Variants in RBFOX1 observed in about 807,000 individuals in gnomAD.
The protein encoded by RBFOX1 is RNA binding fox-1 homolog 1.
A neutral mutation model predicts 57.7 loss-of-function variants in RBFOX1; 8 were observed. The ratio of observed to expected loss-of-function variants is 0.14; its 90% CI spans 0.08 to 0.25. RBFOX1 has a LOEUF of 0.25. Ranked by LOEUF, RBFOX1 falls within the 10% of genes least tolerant of loss-of-function variation. RBFOX1 has a pLI of 1.00. For synonymous variants in RBFOX1, 326 were observed against 222.4 expected, an observed-to-expected ratio of 1.47 and a Z score of -4.15; for missense variants, 611 against 548.5, an observed-to-expected ratio of 1.11 and a Z score of -1.14.
In RBFOX1 at chr16:7,422,158, G is replaced by A. The variant is rs189209144; in HGVS notation, c.28-95989G>A. Among the ~76,000 whole-genome samples the A allele has an allele frequency of 1.3e-4, 20 of 152,214 alleles. No individual in the cohort carries two copies. The East Asian group carries it at 3.5e-3, about 27-fold the overall frequency. ...TATTTCTGTGTGTATGTTTGTGTAC[G>A]TGTGCGTGTGTGTGCGTGTGCTTGT... is the stretch of plus-strand genomic sequence containing the variant. On this transcript the variant is annotated intron_variant, in intron 4 of 15. Coordinates refer to ENST00000550418, the MANE Select transcript of RBFOX1 (RefSeq NM_018723.4).
intron 3 of RBFOX1, among the ~76,000 whole-genome samples, chr16:5,800,743 CAGAT>C (rs1207433141): frequency 6.6e-6 from 1 of 152,138 alleles, no homozygotes; most frequent in Non-Finnish European, 1.5e-5. Context: ...AGTTGCTTCT[CAGAT>C]AGCTAACAGG....
At chr16:7,041,208 A>G (rs1248769572) in intron 3 of RBFOX1, among the ~76,000 whole-genome samples, 1 of 149,480 alleles carries the variant, frequency 6.7e-6, no homozygotes, top group Admixed American at 6.8e-5. Flanking sequence ...TGCTGGGATT[A>G]CAGGTGTGAG....
At chr16:5,489,975 G>A (rs1379807236) in intron 2 of RBFOX1, among the ~76,000 whole-genome samples, 1 of 152,184 alleles carries the variant, frequency 6.6e-6, no homozygotes, top group African/African-American at 2.4e-5. Flanking sequence ...CCCAGGCCTG[G>A]CCTGTTATTT....
intron 2 of RBFOX1, among the ~76,000 whole-genome samples, chr16:6,519,353 G>C (rs75754465): frequency 6.6e-6 from 1 of 152,132 alleles, no homozygotes; most frequent in Admixed American, 6.5e-5. Flanking sequence ...AAGAAATACT[G>C]TACATGGGGA....
intron 1 of RBFOX1, among the ~76,000 whole-genome samples, chr16:6,264,962 C>G (rs1233049674): frequency 2.0e-5 from 3 of 152,190 alleles, no homozygotes; most frequent in Non-Finnish European, 4.4e-5. Context: ...GGAACCGACT[C>G]TGATAAGAGC....
chr16:5,375,935 G>A (rs1270730414), intron 1 of RBFOX1, among the ~76,000 whole-genome samples: 16 of 152,206 alleles, frequency 1.1e-4, no homozygotes, highest in Non-Finnish European at 2.4e-4. Flanking sequence ...GGGAGGCTGA[G>A]GTGGCTGGAT....
chr16:6,848,180 CTCCTTGTGGGGTG>C (rs1567541056), intron 3 of RBFOX1, among the ~76,000 whole-genome samples: 6 of 151,880 alleles, frequency 4.0e-5, no homozygotes, highest in Non-Finnish European at 8.8e-5. Context: ...TGATCACAGC[CTCCTTGTGGGGTG>C]ATACAGCAAG....
At chr16:6,234,531 A>G (rs1165412796) in intron 1 of RBFOX1, among the ~76,000 whole-genome samples, 1 of 152,150 alleles carries the variant, frequency 6.6e-6, no homozygotes, top group Non-Finnish European at 1.5e-5. Context: ...AGAAGTCTGA[A>G]TGAAGGCTTC....
At chr16:5,298,472 C>T (rs1596446116) in intron 1 of RBFOX1, among the ~76,000 whole-genome samples, 1 of 68,366 alleles carries the variant, frequency 1.5e-5, no homozygotes, top group Non-Finnish European at 2.7e-5. Context: ...CTCCCTTCCC[C>T]TTCCCCTCCC....
At chr16:7,519,984 C>T (rs1359966401) in intron 5 of RBFOX1, among the ~76,000 whole-genome samples, 1 of 152,172 alleles carries the variant, frequency 6.6e-6, no homozygotes, top group East Asian at 1.9e-4. Context: ...CTCCCAGGTT[C>T]ACGCCATTCT....
chr16:6,468,794 CTTTTA>C (rs368842127), intron 2 of RBFOX1, among the ~76,000 whole-genome samples: 15 of 151,836 alleles, frequency 9.9e-5, no homozygotes, highest in Middle Eastern at 3.4e-3. Flanking sequence ...ATTTTTTAGT[CTTTTA>C]TTTTAAGTTC....
At chr16:5,240,052 C>T (rs767461150) in exon 1 of RBFOX1, 16 of 1,532,014 alleles carry the variant, frequency 1.0e-5, no homozygotes, top group Admixed American at 2.0e-5. Context: ...GAAGGACGCG[C>T]CGCGGCCGGG....
intron 4 of RBFOX1, among the ~76,000 whole-genome samples, chr16:7,331,457 A>G (rs2096693902): frequency 6.6e-6 from 1 of 152,190 alleles, no homozygotes; most frequent in African/African-American, 2.4e-5. Context: ...ACACACCCAC[A>G]TGTCTTTCTA....
rs145781378 is a variant in RBFOX1, at chr16:6,568,207, G to C, written c.-63-86396G>C. ...CATCTCATAGAGTTTCTGAGGTCCA[G>C]GAATCTGGGAGTGGCTCTAGCTCTA... On this transcript the variant is annotated intron_variant, in intron 2 of 15. Transcript: ENST00000550418. 4.6e-3 allele frequency among the ~76,000 whole-genome samples: 707 copies of C among 152,310 alleles called. 8 individuals carry two copies. The highest frequency in any genetic ancestry group is 0.03 in the South Asian group (147 of 4,828).
At chr16:6,927,207 C>T (rs556733887) in intron 3 of RBFOX1, among the ~76,000 whole-genome samples, 6 of 151,766 alleles carry the variant, frequency 4.0e-5, no homozygotes, top group South Asian at 2.1e-4. Flanking sequence ...CATTTTTTAA[C>T]GAAACCCTAG....
intron 1 of RBFOX1, among the ~76,000 whole-genome samples, chr16:5,285,121 C>T (rs1281271542): frequency 3.3e-5 from 5 of 152,134 alleles, no homozygotes; most frequent in Non-Finnish European, 4.4e-5. Context: ...CATATGTGTC[C>T]CATATGTCAT....
At chr16:5,871,953 G>T (rs1267792330) in intron 4 of RBFOX1, among the ~76,000 whole-genome samples, 2 of 152,178 alleles carry the variant, frequency 1.3e-5, no homozygotes, top group Admixed American at 1.3e-4. Context: ...AGCAAACTCA[G>T]TGGCCTTGGG....
chr16:5,468,274 T>C (rs182165847), intron 2 of RBFOX1, among the ~76,000 whole-genome samples: 204 of 152,318 alleles, frequency 1.3e-3, no homozygotes, highest in African/African-American at 4.7e-3. Flanking sequence ...GGGCAATCAC[T>C]ACCTCTCTGT....
At chr16:6,674,831 A>T (rs1377150165) in intron 3 of RBFOX1, among the ~76,000 whole-genome samples, 3 of 152,160 alleles carry the variant, frequency 2.0e-5, no homozygotes, top group African/African-American at 7.2e-5. Flanking sequence ...TAGGACTTTG[A>T]TTTCAGACTT....
Sources: allele counts gnomAD v4.1 joint callset (sites outside exome capture counted in the v4.1 genomes callset), GRCh38; gene constraint gnomAD v4.1.1; transcripts MANE v1.5; gene names NCBI Gene and HGNC (gene_info 2026-07-23, HGNC 2026-07-21).